Variants in PLA2G4A observed in about 807,000 individuals in gnomAD.
PLA2G4A encodes cytosolic phospholipase A2.
Under a neutral mutation model 81.9 loss-of-function variants are expected in PLA2G4A, and 40 were observed. The observed-to-expected ratio is 0.49, with a 90% CI of 0.38 to 0.64. The LOEUF (loss-of-function observed/expected upper bound fraction) is 0.64, where lower values mean the gene tolerates loss of function less well. Ranked by LOEUF, PLA2G4A falls within the 30% of genes least tolerant of loss-of-function variation. The pLI, the probability that PLA2G4A is intolerant of heterozygous loss-of-function variation, is 0.00. For missense variants in PLA2G4A, 715 were observed against 905.1 expected, an observed-to-expected ratio of 0.79 and a Z score of 2.69; for synonymous variants, 302 against 296.9, an observed-to-expected ratio of 1.02 and a Z score of -0.18.
intron 10 of PLA2G4A, among the ~76,000 whole-genome samples, chr1:186,942,287 G>C (rs1656181526): frequency 6.6e-6 from 1 of 152,128 alleles, no homozygotes. Flanking sequence ...GAAATTTTTG[G>C]AATTGTTTGA....
At chr1:186,932,994 G>T in intron 8 of PLA2G4A, 95 bp downstream of exon 8, 1 of 919,052 alleles carries the variant, frequency 1.1e-6, no homozygotes, top group Admixed American at 2.1e-5. Context: ...TTAGAAAATT[G>T]ATCATTAATT....
At chr1:186,860,807 A>C (rs1269720162) in intron 2 of PLA2G4A, among the ~76,000 whole-genome samples, 1 of 152,124 alleles carries the variant, frequency 6.6e-6, no homozygotes, top group Non-Finnish European at 1.5e-5. Flanking sequence ...AATTCCTAGA[A>C]AGTCACTGGG....
chr1:186,944,617 C>T (rs897534946), intron 10 of PLA2G4A, among the ~76,000 whole-genome samples: 1 of 152,068 alleles, frequency 6.6e-6, no homozygotes. Flanking sequence ...TAATGAATTA[C>T]AATGTTATCA....
chr1:186,899,848 G>A (rs981467497), intron 5 of PLA2G4A, among the ~76,000 whole-genome samples: 2 of 152,138 alleles, frequency 1.3e-5, no homozygotes, highest in African/African-American at 4.8e-5. Flanking sequence ...AATGGCGAGT[G>A]CAGGGTGACT....
intron 13 of PLA2G4A, among the ~76,000 whole-genome samples, chr1:186,954,448 G>C (rs1656671244): frequency 6.6e-6 from 1 of 152,070 alleles, no homozygotes; most frequent in African/African-American, 2.4e-5. Context: ...AGGGTGTGGG[G>C]GGCTGGGGGA....
chr1:186,901,950 G>A (rs1301520781), intron 5 of PLA2G4A, among the ~76,000 whole-genome samples: 2 of 152,174 alleles, frequency 1.3e-5, no homozygotes, highest in African/African-American at 4.8e-5. Flanking sequence ...GTAGCTATAT[G>A]TTGCTTAACA....
intron 7 of PLA2G4A, 112 bp downstream of exon 7, chr1:186,911,501 T>G (rs1009919435): frequency 1.2e-6 from 1 of 840,466 alleles, no homozygotes; most frequent in Non-Finnish European, 2.0e-6. Flanking sequence ...CATTATTCCT[T>G]TAGTTTTTTA....
chr1:186,887,476 T>C (rs997719415), intron 3 of PLA2G4A, among the ~76,000 whole-genome samples: 1 of 152,162 alleles, frequency 6.6e-6, no homozygotes, highest in Admixed American at 6.6e-5. Flanking sequence ...TGTAGTTTCA[T>C]GTCAACTTTA....
intron 2 of PLA2G4A, among the ~76,000 whole-genome samples, chr1:186,868,071 C>CTTTTTTTTT (rs59978011): frequency 1.8e-5 from 2 of 112,926 alleles, no homozygotes; most frequent in African/African-American, 3.8e-5. Flanking sequence ...GTGTATAATT[C>CTTTTTTTTT]TTTTTTTTTT....
intron 1 of PLA2G4A, among the ~76,000 whole-genome samples, chr1:186,847,253 G>A (rs1289903876): frequency 6.6e-6 from 1 of 151,894 alleles, no homozygotes; most frequent in Non-Finnish European, 1.5e-5. Flanking sequence ...CTTATTTACT[G>A]GTACCCTGTA....
intron 1 of PLA2G4A, among the ~76,000 whole-genome samples, chr1:186,849,605 A>G (rs1412351690): frequency 3.3e-5 from 5 of 152,028 alleles, no homozygotes; most frequent in South Asian, 2.1e-4. Context: ...AGTTCCTCAT[A>G]CTGCCTGCCT....
intron 17 of PLA2G4A, among the ~76,000 whole-genome samples, chr1:186,984,315 A>G (rs1012721322): frequency 4.6e-5 from 7 of 152,094 alleles, no homozygotes; most frequent in African/African-American, 1.4e-4. Flanking sequence ...TCTGGAGGGA[A>G]TATGTCTTCT....
intron 7 of PLA2G4A, among the ~76,000 whole-genome samples, chr1:186,923,386 T>G (rs1486874976): frequency 6.6e-6 from 1 of 152,248 alleles, no homozygotes; most frequent in Non-Finnish European, 1.5e-5. Flanking sequence ...GTCACCATCC[T>G]TGTATTGGTA....
At chr1:186,945,992 CA>C (rs1392379748) in intron 10 of PLA2G4A, among the ~76,000 whole-genome samples, 1 of 152,116 alleles carries the variant, frequency 6.6e-6, no homozygotes, top group Non-Finnish European at 1.5e-5. Flanking sequence ...GGACCTAAGA[CA>C]GAGAGAATAA....
chr1:186,872,130 A>T lies in PLA2G4A; in HGVS notation c.115+1614A>T, dbSNP rs12720516. On this transcript the variant is annotated intron_variant, in intron 3 of 17. Transcript: ENST00000367466. ...GGCAATTTCTTCAAAACTAGCTTCG[A>T]TCAGATGTTTACATTTTAAATTTTA... Among the ~76,000 whole-genome samples the T allele has an allele frequency of 8.6e-3, 1,310 of 152,230 alleles. 21 individuals carry two copies. Among genetic ancestry groups the T allele is most frequent in the African/African-American group, 0.03 (1,228 of 41,556 alleles).
chr1:186,901,620 A>G lies in PLA2G4A; in HGVS notation c.379-5345A>G, dbSNP rs116632423. Reference sequence around the variant, plus strand: ...GAAGTAATAGAGTGGTTTGGTAGTAATGCTTTAGGAACTCTGGTTTCATTG... The same window carrying G: ...GAAGTAATAGAGTGGTTTGGTAGTAGTGCTTTAGGAACTCTGGTTTCATTG... On this transcript the variant is annotated intron_variant, in intron 5 of 17. Coordinates refer to ENST00000367466, the MANE Select transcript of PLA2G4A (RefSeq NM_024420.3). Among the ~76,000 whole-genome samples the G allele has an allele frequency of 9.0e-3, 1,372 of 152,274 alleles. 29 individuals carry two copies. The highest frequency in any genetic ancestry group is 0.032 in the African/African-American group (1,311 of 41,552).
intron 8 of PLA2G4A, among the ~76,000 whole-genome samples, chr1:186,938,252 T>C (rs968931786): frequency 1.3e-5 from 2 of 152,098 alleles, no homozygotes; most frequent in African/African-American, 4.8e-5. Flanking sequence ...GCATGAGATC[T>C]ACCATACTAG....
chr1:186,970,464 T>C (rs1170847731), intron 15 of PLA2G4A, among the ~76,000 whole-genome samples: 9 of 151,970 alleles, frequency 5.9e-5, no homozygotes, highest in Admixed American at 5.9e-4. Context: ...TGAGGTCTTA[T>C]TCAAGAAATC....
intron 14 of PLA2G4A, among the ~76,000 whole-genome samples, chr1:186,964,711 C>T (rs537744881): frequency 2.0e-5 from 3 of 152,128 alleles, no homozygotes; most frequent in Non-Finnish European, 4.4e-5. Context: ...TTATGAAGTG[C>T]CCTCTTGATA....
Sources: allele counts gnomAD v4.1 joint callset (sites outside exome capture counted in the v4.1 genomes callset), GRCh38; gene constraint gnomAD v4.1.1; transcripts MANE v1.5; gene names NCBI Gene and HGNC (gene_info 2026-07-23, HGNC 2026-07-21).